The following NALF1 variants were observed in gnomAD, a reference collection of about 807,000 sequenced individuals.
The protein encoded by NALF1 is NALCN channel auxiliary factor 1, also known as family with sequence similarity 155 member A.
Under a neutral mutation model 48.4 loss-of-function variants are expected in NALF1, and 3 were observed. The ratio of observed to expected loss-of-function variants is 0.06; its 90% CI spans 0.03 to 0.16. NALF1 has a LOEUF of 0.16. Ranked by LOEUF, NALF1 falls within the 10% of genes least tolerant of loss-of-function variation. The pLI is 1.00. For missense variants in NALF1, 526 were observed against 571.5 expected (o/e 0.92, Z 0.81); for synonymous variants, 262 against 245.7 (o/e 1.07, Z -0.62).
chr13:107,560,715 C>T (rs1448767714), intron 1 of NALF1, among the ~76,000 whole-genome samples: 1 of 152,062 alleles, frequency 6.6e-6, no homozygotes, highest in Non-Finnish European at 1.5e-5. Flanking sequence ...GTAATCTATG[C>T]TCCCCCACTG....
chr13:107,866,032 C>G lies in NALF1; in HGVS notation c.565G>C (p.Ala189Pro), dbSNP rs770426359. Residue 189 changes from alanine (A) to proline (P), a missense_variant, in exon 1 of 3, where the codon GCG (alanine) becomes CCG (proline). Ala to Pro is a conservative substitution (Grantham distance 27). Coordinates refer to ENST00000375915, the MANE Select transcript of NALF1 (RefSeq NM_001080396.3). The surrounding 1 kb of genome is among the most constrained non-coding windows in gnomAD (Gnocchi z 4.4). ...CGACTCCAGTTCCTGGCGCACACCG[C>G]GTCCGCATTCTCCACCGTGAAGCAC... ...GQCFTVENAD[A>P]VCARNWSRGA... 6.2e-7 allele frequency: 1 copy of G among 1,612,194 alleles called. No homozygotes were observed. Among genetic ancestry groups the G allele is most frequent in the Non-Finnish European group, 8.5e-7 (1 of 1,179,902 alleles).
chr13:107,601,062 GA>G (rs1049902602), intron 1 of NALF1, among the ~76,000 whole-genome samples: 3 of 152,134 alleles, frequency 2.0e-5, no homozygotes, highest in Non-Finnish European at 4.4e-5. Flanking sequence ...CTTTACCTAA[GA>G]AAAATATAGA....
chr13:107,494,872 T>A (rs557634140), intron 1 of NALF1, among the ~76,000 whole-genome samples: 1 of 152,260 alleles, frequency 6.6e-6, no homozygotes, highest in South Asian at 2.1e-4. Context: ...CTGAACAATA[T>A]ATGGAAATAA....
At chr13:107,471,166 G>A (rs1885094230) in intron 1 of NALF1, among the ~76,000 whole-genome samples, 1 of 152,226 alleles carries the variant, frequency 6.6e-6, no homozygotes, top group Non-Finnish European at 1.5e-5. Flanking sequence ...TATGGCATGT[G>A]TGTGCGCATA....
At chr13:107,771,039 TA>T (rs1376472796) in intron 1 of NALF1, among the ~76,000 whole-genome samples, 1 of 152,028 alleles carries the variant, frequency 6.6e-6, no homozygotes, top group Non-Finnish European at 1.5e-5. Flanking sequence ...CAAAGGGGCA[TA>T]AAACAATTTC....
At chr13:107,407,784 C>T (rs1883924875) in intron 1 of NALF1, among the ~76,000 whole-genome samples, 1 of 151,996 alleles carries the variant, frequency 6.6e-6, no homozygotes, top group African/African-American at 2.4e-5. Flanking sequence ...GTATGTTGAG[C>T]AGATATCTGC....
At chr13:107,539,969 C>T (rs1442804481) in intron 1 of NALF1, among the ~76,000 whole-genome samples, 11 of 151,406 alleles carry the variant, frequency 7.3e-5, no homozygotes, top group Non-Finnish European at 1.5e-5. Flanking sequence ...TGATGAATAG[C>T]TCTAATTAAT....
In NALF1 at chr13:107,865,983, T is replaced by C; in HGVS notation, c.614A>G (p.Gln205Arg). 6.2e-7 allele frequency: 1 copy of C among 1,612,856 alleles called. No homozygotes were observed. The highest frequency in any genetic ancestry group is 1.3e-5 in the African/African-American group (1 of 75,016). Residue 205 changes from glutamine to arginine, a missense_variant, in exon 1 of 3, where the codon CAG becomes CGG. Gln to Arg is a conservative substitution (Grantham distance 43). This residue lies in a region of NALF1 where 373 missense variants were observed against 355.5 expected (regional missense o/e 1.05). Transcript: ENST00000375915. ...AGTGGGATGCTTGCTCCTCACCTCC[T>C]GCCCGTCCCCCCCGGCCGCCCCCCG... ...WSRGAAGGDGQEVRSKHPTPL... is the reference protein window; with the variant it reads ...WSRGAAGGDGREVRSKHPTPL...
At chr13:107,711,975 C>T (rs1875606201) in intron 1 of NALF1, among the ~76,000 whole-genome samples, 1 of 152,056 alleles carries the variant, frequency 6.6e-6, no homozygotes, top group Non-Finnish European at 1.5e-5. Context: ...AGATTGTTTT[C>T]TCAACCTGAG....
chr13:107,267,615 G>T (rs1035356771), intron 1 of NALF1, among the ~76,000 whole-genome samples: 1 of 152,140 alleles, frequency 6.6e-6, no homozygotes, highest in African/African-American at 2.4e-5. Context: ...AACCACAGAT[G>T]GTACTGAATC....
At chr13:107,642,275 A>G (rs1170680795) in intron 1 of NALF1, among the ~76,000 whole-genome samples, 6 of 152,192 alleles carry the variant, frequency 3.9e-5, no homozygotes, top group African/African-American at 1.2e-4. Context: ...TTATTTCTCT[A>G]TTATTCAGTT....
At chr13:107,495,186 G>T (rs905768754) in intron 1 of NALF1, among the ~76,000 whole-genome samples, 1 of 152,196 alleles carries the variant, frequency 6.6e-6, no homozygotes, top group Non-Finnish European at 1.5e-5. Flanking sequence ...CAACAGATGT[G>T]TTGGCCTATA....
intron 1 of NALF1, among the ~76,000 whole-genome samples, chr13:107,461,974 G>C (rs1025789173): frequency 1.3e-5 from 2 of 152,098 alleles, no homozygotes; most frequent in African/African-American, 4.8e-5. Context: ...AAAGGCAGTA[G>C]GTTATTCACA....
intron 1 of NALF1, among the ~76,000 whole-genome samples, chr13:107,283,676 T>C (rs991861018): frequency 8.6e-5 from 13 of 151,730 alleles, no homozygotes; most frequent in African/African-American, 3.1e-4. Context: ...TTTGTTGTTG[T>C]TGAGACAGAG....
chr13:107,721,880 G>T lies in NALF1; in HGVS notation c.915+143802C>A, dbSNP rs564671471. Reference sequence around the variant, plus strand: ...ATCATCACAACACATCCCTACCGCAGATTCATGAATATTTTAAAACTTTTT... The same window carrying T: ...ATCATCACAACACATCCCTACCGCATATTCATGAATATTTTAAAACTTTTT... On this transcript the variant is annotated intron_variant, in intron 1 of 2. Coordinates refer to ENST00000375915, the MANE Select transcript of NALF1 (RefSeq NM_001080396.3). Among the ~76,000 whole-genome samples the T allele has an allele frequency of 3.3e-5, 5 of 152,320 alleles. No homozygotes were observed. The East Asian group carries it at 5.8e-4, about 18-fold the overall frequency.
chr13:107,220,595 A>T (rs1157802024), intron 1 of NALF1, among the ~76,000 whole-genome samples: 1 of 152,202 alleles, frequency 6.6e-6, no homozygotes, highest in Non-Finnish European at 1.5e-5. Flanking sequence ...CTGACAGTAG[A>T]TAGGTGCCTT....
At chr13:107,679,867 T>C (rs1012694350) in intron 1 of NALF1, among the ~76,000 whole-genome samples, 20 of 152,228 alleles carry the variant, frequency 1.3e-4, no homozygotes, top group Non-Finnish European at 2.6e-4. Context: ...GCCTCAAAGC[T>C]CTGCACCTGG....
At chr13:107,644,659 A>ATATATATG (rs1209201808) in intron 1 of NALF1, among the ~76,000 whole-genome samples, 1 of 146,150 alleles carries the variant, frequency 6.8e-6, no homozygotes, top group Admixed American at 6.9e-5. Context: ...ATATATATAT[A>ATATATATG]TATATATGCT....
intron 1 of NALF1, among the ~76,000 whole-genome samples, chr13:107,264,564 A>G (rs886072320): frequency 4.6e-5 from 7 of 152,150 alleles, no homozygotes; most frequent in African/African-American, 1.2e-4. Flanking sequence ...ATATGTGAGG[A>G]AAAAAAAGGA....
Sources: gnomAD v4.1 joint callset for allele counts (sites outside exome capture counted in the v4.1 genomes callset) on GRCh38, gnomAD v4.1.1 for gene constraint, gnomAD v4.1.1 regional missense constraint, Gnocchi (gnomAD v3.1) non-coding constraint, MANE v1.5 for transcripts, NCBI Gene and HGNC (gene_info 2026-07-23, HGNC 2026-07-21) for gene names.